Variants in AFG1L observed in about 807,000 individuals in gnomAD.
The protein encoded by AFG1L is AFG1 like ATPase.
Under a neutral mutation model 62.2 loss-of-function variants are expected in AFG1L, and 53 were observed. That is an observed-to-expected ratio of 0.85 (90% CI 0.68 to 1.07). The LOEUF (loss-of-function observed/expected upper bound fraction) is 1.07. Ranked by LOEUF, AFG1L falls within the 50% of genes least tolerant of loss-of-function variation. AFG1L has a pLI of 0.00. For synonymous variants in AFG1L, 228 were observed against 210.3 expected (o/e 1.08, Z -0.73); for missense variants, 555 against 590.5 (o/e 0.94, Z 0.62).
intron 6 of AFG1L, among the ~76,000 whole-genome samples, chr6:108,379,608 G>A (rs1486856487): frequency 6.6e-6 from 1 of 152,180 alleles, no homozygotes; most frequent in African/African-American, 2.4e-5. Flanking sequence ...CTGATGGTAG[G>A]CACAAGCACT....
chr6:108,466,619 T>C (rs1271163015), intron 8 of AFG1L, among the ~76,000 whole-genome samples: 1 of 151,896 alleles, frequency 6.6e-6, no homozygotes, highest in African/African-American at 2.4e-5. Flanking sequence ...GAGGACATAG[T>C]GAAGGCGGCC....
intron 7 of AFG1L, among the ~76,000 whole-genome samples, chr6:108,420,424 A>T (rs1384686496): frequency 4.7e-5 from 7 of 148,170 alleles, no homozygotes; most frequent in Admixed American, 2.7e-4. Flanking sequence ...AAAAATAAAA[A>T]TATATTTAAT....
chr6:108,338,280 G>A (rs1443993565), intron 2 of AFG1L, among the ~76,000 whole-genome samples: 3 of 152,128 alleles, frequency 2.0e-5, no homozygotes, highest in African/African-American at 7.2e-5. Flanking sequence ...TCTTAGTTTT[G>A]CCATCTAATT....
At chr6:108,361,742 T>C (rs1260972956) in intron 5 of AFG1L, among the ~76,000 whole-genome samples, 1 of 152,158 alleles carries the variant, frequency 6.6e-6, no homozygotes, top group Non-Finnish European at 1.5e-5. Flanking sequence ...CTCCCTCATT[T>C]CATCATATCT....
chr6:108,296,974 A>G (rs1391645942), intron 1 of AFG1L, among the ~76,000 whole-genome samples: 2 of 152,178 alleles, frequency 1.3e-5, no homozygotes, highest in Non-Finnish European at 2.9e-5. Flanking sequence ...CTATTAATCT[A>G]TACTCACACT....
chr6:108,466,340 T>C (rs1772663677), intron 8 of AFG1L, among the ~76,000 whole-genome samples: 1 of 152,210 alleles, frequency 6.6e-6, no homozygotes. Context: ...AGGAATGTAC[T>C]AGAATGTTCA....
At chr6:108,496,839 T>C (rs574296856) in intron 10 of AFG1L, among the ~76,000 whole-genome samples, 1 of 152,324 alleles carries the variant, frequency 6.6e-6, no homozygotes, top group African/African-American at 2.4e-5. Flanking sequence ...TCTGCATATA[T>C]ATTTTGAGCA....
chr6:108,356,399 G>T (rs970938864), intron 4 of AFG1L, among the ~76,000 whole-genome samples: 3 of 152,182 alleles, frequency 2.0e-5, no homozygotes, highest in Non-Finnish European at 2.9e-5. Flanking sequence ...AGGTGGATGT[G>T]TTGATGCATC....
At chr6:108,478,852 AG>A (rs1490688760) in intron 10 of AFG1L, among the ~76,000 whole-genome samples, 16 of 152,176 alleles carry the variant, frequency 1.1e-4, no homozygotes, top group African/African-American at 3.9e-4. Flanking sequence ...TAACAGGAAA[AG>A]GCCACTTATC....
At chr6:108,415,911 T>A (rs1770243921) in intron 7 of AFG1L, among the ~76,000 whole-genome samples, 1 of 152,132 alleles carries the variant, frequency 6.6e-6, no homozygotes, top group African/African-American at 2.4e-5. Context: ...GAAGCCAAAA[T>A]TGACAAATGG....
intron 7 of AFG1L, among the ~76,000 whole-genome samples, chr6:108,434,411 A>G (rs1421908493): frequency 6.6e-6 from 1 of 152,174 alleles, no homozygotes; most frequent in Non-Finnish European, 1.5e-5. Flanking sequence ...TGGCATAGCC[A>G]TGTGGTTGCC....
At chr6:108,418,817 A>T (rs1285029214) in intron 7 of AFG1L, among the ~76,000 whole-genome samples, 1 of 152,204 alleles carries the variant, frequency 6.6e-6, no homozygotes, top group Non-Finnish European at 1.5e-5. Context: ...GCATTTGTAA[A>T]CATTATTTAA....
At chr6:108,483,735 C>T (rs959708211) in intron 10 of AFG1L, among the ~76,000 whole-genome samples, 7 of 152,160 alleles carry the variant, frequency 4.6e-5, no homozygotes, top group African/African-American at 1.7e-4. Flanking sequence ...GATGCATATG[C>T]ATGGGTGTAC....
rs1582565301 is a variant in AFG1L at position 108,309,730 on chromosome 6, T to TGTTG, written c.140-14095_140-14094insGTTG. On this transcript the variant is annotated intron_variant, in intron 1 of 12. Coordinates refer to ENST00000368977, the MANE Select transcript of AFG1L (RefSeq NM_145315.5). ...AAATATTTCCAATGAAAATTTAGCT[T>TGTTG]CCAAATTGAGATGTGTTGCAGGTGT... 3.3e-5 allele frequency among the ~76,000 whole-genome samples: 5 copies of TGTTG among 152,158 alleles called. No homozygotes were observed. In the East Asian group the frequency reaches 9.6e-4, roughly 29 times the overall value.
chr6:108,442,272 T>C (rs1439064839), intron 7 of AFG1L, among the ~76,000 whole-genome samples: 1 of 152,040 alleles, frequency 6.6e-6, no homozygotes, highest in Non-Finnish European at 1.5e-5. Context: ...ATTTATGACA[T>C]CAAGAAAAAC....
At chr6:108,307,260 A>C (rs1777234214) in intron 1 of AFG1L, among the ~76,000 whole-genome samples, 1 of 151,910 alleles carries the variant, frequency 6.6e-6, no homozygotes, top group Non-Finnish European at 1.5e-5. Flanking sequence ...GATTTGCCCA[A>C]CTTGGCCCCC....
At chr6:108,401,333 G>A (rs986290790) in intron 6 of AFG1L, among the ~76,000 whole-genome samples, 3 of 151,442 alleles carry the variant, frequency 2.0e-5, no homozygotes, top group East Asian at 1.9e-4. Flanking sequence ...TAGTAGAGAC[G>A]GGGTTTCACC....
intron 8 of AFG1L, among the ~76,000 whole-genome samples, chr6:108,458,614 G>C (rs72938672): frequency 0.034 from 5,207 of 151,886 alleles, 149 homozygotes; most frequent in South Asian, 0.15. Flanking sequence ...ATGCTGCGGG[G>C]GTTTCTTTTT....
chr6:108,379,531 G>A (rs1365565487), intron 6 of AFG1L, among the ~76,000 whole-genome samples: 1 of 152,216 alleles, frequency 6.6e-6, no homozygotes, highest in Middle Eastern at 3.2e-3. Flanking sequence ...GGTGACAGGG[G>A]TTGGGAGGGT....
Sources: allele counts gnomAD v4.1 joint callset (sites outside exome capture counted in the v4.1 genomes callset), GRCh38; gene constraint gnomAD v4.1.1; transcripts MANE v1.5; gene names NCBI Gene and HGNC (gene_info 2026-07-23, HGNC 2026-07-21).